Variants in PCGF5 observed in about 807,000 individuals in gnomAD.
PCGF5 encodes the protein polycomb group RING finger protein 5.
Under a neutral mutation model 44.3 loss-of-function variants are expected in PCGF5, and 9 were observed. That is an observed-to-expected ratio of 0.20 (90% CI 0.12 to 0.35). The LOEUF is 0.35. PCGF5 is among the 10% of genes least tolerant of loss of function. The pLI, the probability that PCGF5 is intolerant of heterozygous loss-of-function variation, is 1.00. For missense variants in PCGF5, 146 were observed against 305.3 expected, an observed-to-expected ratio of 0.48 and a Z score of 3.89; for synonymous variants, 95 against 102.5, an observed-to-expected ratio of 0.93 and a Z score of 0.44.
chr10:91,238,601 C>CTTTTCTTTCTTTT (rs1845235491), intron 2 of PCGF5, among the ~76,000 whole-genome samples: 1 of 58,440 alleles, frequency 1.7e-5, no homozygotes, highest in African/African-American at 7.0e-5. Context: ...TTCTTTCTTT[C>CTTTTCTTTCTTTT]TTTTTTTTTT....
chr10:91,200,879 G>A (rs1008085326), intron 1 of PCGF5, among the ~76,000 whole-genome samples: 5 of 152,144 alleles, frequency 3.3e-5, no homozygotes, highest in Non-Finnish European at 5.9e-5. Flanking sequence ...CCTAGAGCTT[G>A]CTGTGTAGGA....
intron 2 of PCGF5, among the ~76,000 whole-genome samples, chr10:91,238,601 C>CTTTTTTTTTTTTTTTTTT (rs71487496): frequency 7.0e-4 from 41 of 58,486 alleles, no homozygotes; most frequent in Non-Finnish European, 7.9e-4. Flanking sequence ...TTCTTTCTTT[C>CTTTTTTTTTTTTTTTTTT]TTTTTTTTTT....
chr10:91,261,292 G>A, intron 6 of PCGF5, 34 bp from the exon 7 acceptor site: 1 of 1,439,492 alleles, frequency 6.9e-7, no homozygotes, highest in Non-Finnish European at 9.2e-7. Context: ...TTAACTGGTA[G>A]AACATTTTAA....
upstream of PCGF5, among the ~76,000 whole-genome samples, chr10:91,158,274 C>A (rs886922899): frequency 2.6e-5 from 4 of 152,136 alleles, no homozygotes; most frequent in Non-Finnish European, 4.4e-5. Context: ...TAAAATACTG[C>A]CTGGCTTTAC....
At chr10:91,172,200 A>G (rs1843621223) in intron 1 of PCGF5, among the ~76,000 whole-genome samples, 1 of 151,984 alleles carries the variant, frequency 6.6e-6, no homozygotes, top group African/African-American at 2.4e-5. Flanking sequence ...GGAGGTGGGC[A>G]GATCACTTGA....
intron 1 of PCGF5, among the ~76,000 whole-genome samples, chr10:91,175,774 T>C (rs1843694822): frequency 6.6e-6 from 1 of 152,220 alleles, no homozygotes; most frequent in African/African-American, 2.4e-5. Context: ...TAGATCTTCC[T>C]CCATCCCTTT....
In PCGF5 at chr10:91,284,001, T is replaced by C. The variant is rs1034483153; in HGVS notation, c.*5685T>C. 1.3e-5 allele frequency: 2 copies of C among 152,632 alleles called. No individual in the cohort carries two copies. The highest frequency in any genetic ancestry group is 2.9e-5 in the Non-Finnish European group (2 of 68,022). 9.5% of individuals were successfully genotyped at this position (152,632 alleles called of 1,614,324 possible). On this transcript the variant is annotated 3_prime_UTR_variant, in exon 10 of 10. Coordinates refer to ENST00000336126, the MANE Select transcript of PCGF5 (RefSeq NM_032373.5). ...TCTATTAAGAATATATGTATTTTTG[T>C]AAAGGAAAAGCACTTGTAGATATTT...
chr10:91,262,121 G>A (rs114224794), intron 7 of PCGF5, among the ~76,000 whole-genome samples: 5,939 of 152,180 alleles, frequency 0.039, 379 homozygotes, highest in African/African-American at 0.13. Flanking sequence ...TCTGATAGTA[G>A]CATCTAGAAA....
intron 1 of PCGF5, among the ~76,000 whole-genome samples, chr10:91,164,807 C>T (rs1298322423): frequency 6.6e-6 from 1 of 152,218 alleles, no homozygotes; most frequent in Non-Finnish European, 1.5e-5. Context: ...CTCCTGTCCC[C>T]TCCCCCAGGA....
chr10:91,167,730 T>A lies in PCGF5; in HGVS notation c.-184+4649T>A, dbSNP rs554897893. Among the ~76,000 whole-genome samples the A allele has an allele frequency of 1.8e-4, 28 of 152,310 alleles. No homozygotes were observed. The South Asian group carries it at 5.8e-3, about 32-fold the overall frequency. Reference sequence around the variant, plus strand: ...GGCAGTAGATAAGTATCAGAAATATTTTAAATGGGGGAATGATGTGATCAA... The same window carrying A: ...GGCAGTAGATAAGTATCAGAAATATATTAAATGGGGGAATGATGTGATCAA... On this transcript the variant is annotated intron_variant, in intron 1 of 9. Coordinates refer to the PCGF5 transcript ENST00000614189.
chr10:91,280,318 A>G lies in PCGF5; in HGVS notation c.*2002A>G, dbSNP rs930214754. ...GAATTAAGAGTGCATTTTAAAAATCACAAGTGAGACTTTGATGTTTTGGCC... is the reference window on the plus strand; with the variant it reads ...GAATTAAGAGTGCATTTTAAAAATCGCAAGTGAGACTTTGATGTTTTGGCC... On this transcript the variant is annotated 3_prime_UTR_variant, in exon 10 of 10. Coordinates refer to ENST00000336126, the MANE Select transcript of PCGF5 (RefSeq NM_032373.5). 2.0e-5 allele frequency: 3 copies of G among 152,122 alleles called. No individual in the cohort carries two copies. The highest frequency in any genetic ancestry group is 2.0e-4 in the Admixed American group (3 of 15,286). The allele number at this position is 152,122 out of a possible 1,614,324, so 9.4% of individuals were successfully genotyped here.
At chr10:91,265,560 CCTCACACAA>C (rs1846031261) in intron 8 of PCGF5, among the ~76,000 whole-genome samples, 1 of 151,764 alleles carries the variant, frequency 6.6e-6, no homozygotes, top group African/African-American at 2.4e-5. Context: ...AGAAATTTGA[CCTCACACAA>C]GAATAAGAAA....
chr10:91,252,321 T>A (rs1845640017), intron 6 of PCGF5, among the ~76,000 whole-genome samples: 1 of 152,022 alleles, frequency 6.6e-6, no homozygotes, highest in African/African-American at 2.4e-5. Flanking sequence ...TTGAATTTTT[T>A]ACTAATACGT....
intron 2 of PCGF5, chr10:91,227,433 T>C (rs1844875205): frequency 1.6e-6 from 2 of 1,289,368 alleles, no homozygotes; most frequent in Non-Finnish European, 2.0e-6. Flanking sequence ...CACTCAGTTA[T>C]CCAAGCAAGA....
intron 6 of PCGF5, among the ~76,000 whole-genome samples, chr10:91,255,370 A>G (rs1845721781): frequency 6.6e-6 from 1 of 152,054 alleles, no homozygotes; most frequent in Admixed American, 6.6e-5. Context: ...CCACGTGCAT[A>G]TGTAGAGTTG....
At chr10:91,267,562 C>T (rs374527989) in intron 8 of PCGF5, among the ~76,000 whole-genome samples, 8 of 152,138 alleles carry the variant, frequency 5.3e-5, no homozygotes, top group Admixed American at 2.6e-4. Context: ...AAAATATATC[C>T]TACAGATAAT....
At chr10:91,176,318 A>C (rs547889206) in intron 1 of PCGF5, among the ~76,000 whole-genome samples, 2 of 152,164 alleles carry the variant, frequency 1.3e-5, no homozygotes. Context: ...GGGTAACCCA[A>C]CCTTTCTCTC....
At chr10:91,162,854 G>A (rs1301181484), upstream of PCGF5, among the ~76,000 whole-genome samples, 2 of 147,376 alleles carry the variant, frequency 1.4e-5, no homozygotes, top group Non-Finnish European at 3.0e-5. Flanking sequence ...CCCTCGGCGC[G>A]CTCGCCCCGC....
intron 1 of PCGF5, among the ~76,000 whole-genome samples, chr10:91,174,510 AC>A (rs1357114057): frequency 1.3e-5 from 2 of 152,172 alleles, no homozygotes; most frequent in Non-Finnish European, 2.9e-5. Flanking sequence ...GTCTCAAAAA[AC>A]AAAAAACTGT....
Sources: allele counts gnomAD v4.1 joint callset (sites outside exome capture counted in the v4.1 genomes callset), GRCh38; gene constraint gnomAD v4.1.1; transcripts MANE v1.5; gene names NCBI Gene and HGNC (gene_info 2026-07-23, HGNC 2026-07-21).